Variants in PITPNM2 observed in about 807,000 individuals in gnomAD.
PITPNM2 encodes phosphatidylinositol transfer protein membrane associated 2.
In PITPNM2, 35 loss-of-function variants were observed where a neutral mutation model predicts 132.2. The observed-to-expected ratio is 0.26, with a 90% CI of 0.20 to 0.35. The LOEUF is 0.35. Ranked by LOEUF, PITPNM2 falls within the 10% of genes least tolerant of loss-of-function variation. The pLI is 1.00. For synonymous variants in PITPNM2, 738 were observed against 799.2 expected, an observed-to-expected ratio of 0.92 and a Z score of 1.29; for missense variants, 1,332 against 1,912.0, an observed-to-expected ratio of 0.70 and a Z score of 5.66.
At chr12:123,133,791 AAC>A (rs536799715) in intron 1 of PITPNM2, among the ~76,000 whole-genome samples, 12 of 89,730 alleles carry the variant, frequency 1.3e-4, no homozygotes, top group East Asian at 1.1e-3. Flanking sequence ...ATTATTAATG[AAC>A]ACACACACAC....
chr12:123,073,492 A>G (rs2041679245), intron 2 of PITPNM2, among the ~76,000 whole-genome samples: 1 of 152,222 alleles, frequency 6.6e-6, no homozygotes, highest in Non-Finnish European at 1.5e-5. Flanking sequence ...CTCTGTGGTG[A>G]GACACATGAA....
At chr12:123,132,291 A>C (rs1593032228) in intron 1 of PITPNM2, among the ~76,000 whole-genome samples, 1 of 151,932 alleles carries the variant, frequency 6.6e-6, no homozygotes. Flanking sequence ...AGGAACACCC[A>C]CCTCCACTCC....
At position 122,986,549 on chromosome 12, in the gene PITPNM2, G is replaced by A. The variant is rs1308409538; in HGVS notation, c.3613C>T (p.His1205Tyr). The change falls in exon 25 of 26, where the codon CAC (histidine) becomes TAC (tyrosine). Residue 1205 changes from histidine to tyrosine, a missense_variant. His to Tyr is a moderately conservative substitution (Grantham distance 83). Coordinates refer to ENST00000320201, the MANE Select transcript of PITPNM2 (RefSeq NM_020845.3). The stretch of plus-strand genomic sequence containing the variant: ...TCCTTGGTGGAGCCATAGGCCGCGT[G>A]CACGCGCAGGTGCAGCTGTGGGGAG... ...LLISELHLRV[H>Y]AAYGSTKDVA... 3.1e-6 allele frequency: 5 copies of A among 1,597,712 alleles called. No individual in the cohort carries two copies. The highest frequency in any genetic ancestry group is 4.3e-6 in the Non-Finnish European group (5 of 1,169,684).
intron 2 of PITPNM2, among the ~76,000 whole-genome samples, chr12:123,071,954 A>G (rs2041632398): frequency 6.6e-6 from 1 of 152,166 alleles, no homozygotes; most frequent in Non-Finnish European, 1.5e-5. Context: ...TGGAAAGGGG[A>G]CTTCAGCCAT....
chr12:123,051,201 T>C (rs1349024891), intron 2 of PITPNM2, among the ~76,000 whole-genome samples: 2 of 152,178 alleles, frequency 1.3e-5, no homozygotes, highest in Admixed American at 6.5e-5. Flanking sequence ...TGACCAAGGT[T>C]GGGGAGGAGT....
intron 1 of PITPNM2, among the ~76,000 whole-genome samples, chr12:123,146,233 G>T (rs1318640249): frequency 2.0e-5 from 3 of 152,074 alleles, no homozygotes; most frequent in Non-Finnish European, 4.4e-5. Context: ...GTGATGAAAT[G>T]ATCTGTATAA....
chr12:123,125,575 T>C (rs1185257910), intron 1 of PITPNM2, among the ~76,000 whole-genome samples: 1 of 152,036 alleles, frequency 6.6e-6, no homozygotes, highest in African/African-American at 2.4e-5. Context: ...CCAGGCGCTG[T>C]GGCTCACGCC....
chr12:123,149,065 G>A (rs1177635402), intron 1 of PITPNM2, among the ~76,000 whole-genome samples: 1 of 152,150 alleles, frequency 6.6e-6, no homozygotes, highest in Non-Finnish European at 1.5e-5. Flanking sequence ...CCTTAGATAC[G>A]CAGAGGAATT....
rs758849942 is a variant in PITPNM2, at chr12:122,987,623, C to T, written c.3151G>A (p.Glu1051Lys). 8.7e-6 allele frequency: 14 copies of T among 1,613,710 alleles called. No homozygotes were observed. The highest frequency in any genetic ancestry group is 6.7e-5 in the East Asian group (3 of 44,894). ...VHIMTQPPSGEWLYLDTLVTN... is the reference protein window; with the variant it reads ...VHIMTQPPSGKWLYLDTLVTN... The stretch of plus-strand genomic sequence containing the variant: ...ACCAGCGTATCCAGGTAGAGCCACT[C>T]GCCTGAGGGCGGCTGGGTCATGATG... Residue 1051 changes from glutamate to lysine, a missense_variant, in exon 22 of 26, where the codon GAG becomes AAG. Glu to Lys is a moderately conservative substitution (Grantham distance 56). This residue lies in a region of PITPNM2 where 251 missense variants were observed against 472.0 expected (regional missense o/e 0.53). Transcript: ENST00000320201.
intron 2 of PITPNM2, among the ~76,000 whole-genome samples, chr12:123,096,415 C>T (rs2042412268): frequency 6.6e-6 from 1 of 152,218 alleles, no homozygotes; most frequent in Admixed American, 6.5e-5. Context: ...TTCTTGCCAG[C>T]TTACCGACTT....
At chr12:123,118,561 C>T (rs774370999) in intron 1 of PITPNM2, among the ~76,000 whole-genome samples, 5 of 152,160 alleles carry the variant, frequency 3.3e-5, no homozygotes, top group Non-Finnish European at 7.3e-5. Flanking sequence ...TAGTGGAAAA[C>T]ATTAGTTCAT....
At position 123,125,596 on chromosome 12, in the gene PITPNM2, G is replaced by A. The variant is rs565849723; in HGVS notation, c.-199-15108C>T. On this transcript the variant is annotated intron_variant, in intron 1 of 25. Transcript: ENST00000320201. ...GCTGTGGCTCACGCCTGTAATCCCAGCACTTTGGGAGGCCGAGGGGGGCGG... is the reference window on the plus strand; with the variant it reads ...GCTGTGGCTCACGCCTGTAATCCCAACACTTTGGGAGGCCGAGGGGGGCGG... Among the ~76,000 whole-genome samples the A allele has an allele frequency of 2.0e-4, 30 of 152,058 alleles. 1 individual carries two copies. The South Asian group carries it at 6.0e-3, about 31-fold the overall frequency.
In PITPNM2 at chr12:123,012,700, C is replaced by T. The variant is rs753065615; in HGVS notation, c.328G>A (p.Asp110Asn). The T allele has an allele frequency of 5.0e-6, 8 of 1,613,976 alleles. No homozygotes were observed. Among genetic ancestry groups the T allele is most frequent in the African/African-American group, 1.3e-5 (1 of 74,900 alleles). Residue 110 changes from aspartate to asparagine, a missense_variant, in exon 5 of 26, where the codon GAC becomes AAC. This residue lies in a region of PITPNM2 where 122 missense variants were observed against 209.6 expected (regional missense o/e 0.58). Transcript: ENST00000320201. ...TCAGTTTTATAAAAGGTTTCAATGT[C>T]GATGGAGAATTTCTCCACGAAAGGA... ...TCPFVEKFSI[D>N]IETFYKTDAG...
intron 3 of PITPNM2, among the ~76,000 whole-genome samples, chr12:123,024,640 A>G (rs2039789020): frequency 1.3e-5 from 2 of 152,318 alleles, no homozygotes; most frequent in South Asian, 2.1e-4. Flanking sequence ...GAACCCTGGA[A>G]ATATTATGCT....
chr12:122,987,476 C>G, intron 22 of PITPNM2, 35 bp downstream of exon 22: 1 of 1,611,206 alleles, frequency 6.2e-7, no homozygotes, highest in Non-Finnish European at 8.5e-7. Context: ...AGAGCCTCGC[C>G]CTGCCTATCC....
intron 2 of PITPNM2, among the ~76,000 whole-genome samples, chr12:123,045,129 T>C (rs916125637): frequency 6.6e-6 from 1 of 152,176 alleles, no homozygotes; most frequent in Non-Finnish European, 1.5e-5. Context: ...CTCCCCTCTC[T>C]TGTCTCCCTA....
chr12:123,035,106 T>A (rs1444130864), intron 2 of PITPNM2, among the ~76,000 whole-genome samples: 1 of 152,172 alleles, frequency 6.6e-6, no homozygotes, highest in Non-Finnish European at 1.5e-5. Context: ...AGCACAGACA[T>A]GAGACATTCA....
chr12:123,122,173 T>C (rs559800859), intron 1 of PITPNM2, among the ~76,000 whole-genome samples: 1 of 152,154 alleles, frequency 6.6e-6, no homozygotes, highest in Non-Finnish European at 1.5e-5. Context: ...TTAGAAATGA[T>C]GTCAATTGGC....
At chr12:123,018,059 C>G (rs976710115) in intron 3 of PITPNM2, among the ~76,000 whole-genome samples, 1 of 124,620 alleles carries the variant, frequency 8.0e-6, no homozygotes, top group South Asian at 3.0e-4. Context: ...TCCCTCTTTT[C>G]TCTCTCTCTC....
Sources: allele counts gnomAD v4.1 joint callset (sites outside exome capture counted in the v4.1 genomes callset), GRCh38; gene constraint gnomAD v4.1.1; regional missense constraint gnomAD v4.1.1; transcripts MANE v1.5; gene names NCBI Gene and HGNC (gene_info 2026-07-23, HGNC 2026-07-21).